The following SPIN2A variants were observed in gnomAD, a reference collection of about 807,000 sequenced individuals.
SPIN2A encodes the protein spindlin-2A.
A neutral mutation model predicts 9.2 loss-of-function variants in SPIN2A; 4 were observed. That is an observed-to-expected ratio of 0.44 (90% CI 0.21 to 1.00). The LOEUF is 1.00. Among genes scored for constraint, SPIN2A ranks in the 50% least tolerant of loss-of-function variants. SPIN2A has a pLI of 0.26. For synonymous variants in SPIN2A, 25 were observed against 61.2 expected (o/e 0.41, Z 2.76); for missense variants, 77 against 172.8 (o/e 0.45, Z 3.11).
upstream of SPIN2A, among the ~76,000 whole-genome samples, chrX:57,139,521 T>A (rs1927939494): frequency 9.0e-6 from 1 of 111,529 alleles, no homozygotes; most frequent in Non-Finnish European, 1.9e-5. Flanking sequence ...TGGTGCAATC[T>A]TGGCTCACTG....
At chrX:57,135,562 G>A (rs769681343), downstream of SPIN2A, 226 of 487,811 alleles carry the variant, frequency 4.6e-4, no homozygotes, top group Middle Eastern at 3.2e-3. Context: ...ATTCACAGCC[G>A]AAATTGACAG....
intron 1 of SPIN2A, 92 bp downstream of exon 1, chrX:57,137,168 T>TC (rs1927837229): frequency 2.6e-6 from 2 of 759,101 alleles, no homozygotes; most frequent in East Asian, 1.5e-4. Flanking sequence ...TTCCTTCCCA[T>TC]CCCCCTCTCC....
chrX:57,140,413 C>T (rs1239750052), upstream of SPIN2A, among the ~76,000 whole-genome samples: 2 of 72,794 alleles, frequency 2.7e-5, no homozygotes, highest in East Asian at 4.0e-4. Flanking sequence ...AACCCCATCT[C>T]TACCAAAAAA....
chrX:57,137,242 C>T lies in SPIN2A; in HGVS notation c.-6+18G>A, dbSNP rs1035845643. Reference sequence around the variant, plus strand: ...CCACCGCCGGGGATCGCGGGCCTCACGTGCCGAAATCGGATACCTCGATGC... The same window carrying T: ...CCACCGCCGGGGATCGCGGGCCTCATGTGCCGAAATCGGATACCTCGATGC... On this transcript the variant is annotated intron_variant, in intron 1 of 1. Coordinates refer to ENST00000374906, the MANE Select transcript of SPIN2A (RefSeq NM_019003.5). 1.8e-5 allele frequency: 14 copies of T among 759,526 alleles called. No homozygotes were observed. In the Admixed American group the frequency reaches 2.2e-4, roughly 12 times the overall value. 62.6% of individuals were successfully genotyped at this position (759,526 alleles called of 1,213,427 possible).
At chrX:57,143,884 A>G in the SPIN2A span, among the ~76,000 whole-genome samples, 1 of 112,027 alleles carries the variant, frequency 8.9e-6, no homozygotes, top group African/African-American at 3.2e-5. Context: ...ATGTGTCTAC[A>G]TTTATCAGTG....
At chrX:57,138,416 T>C (rs1014648486), upstream of SPIN2A, among the ~76,000 whole-genome samples, 3 of 109,632 alleles carry the variant, frequency 2.7e-5, no homozygotes, top group African/African-American at 1.0e-4. Flanking sequence ...GGAATAATAT[T>C]TTATTATATA....
At chrX:57,143,827 A>G in the SPIN2A span, among the ~76,000 whole-genome samples, 1 of 111,765 alleles carries the variant, frequency 8.9e-6, no homozygotes, top group Non-Finnish European at 1.9e-5. Flanking sequence ...GTAAAGATAT[A>G]AGTGGTTTAT....
chrX:57,143,661 A>G, the SPIN2A span, among the ~76,000 whole-genome samples: 1 of 110,284 alleles, frequency 9.1e-6, no homozygotes, highest in Non-Finnish European at 1.9e-5. Context: ...TATTTTTGGT[A>G]GACAGGGGGT....
upstream of SPIN2A, among the ~76,000 whole-genome samples, chrX:57,140,473 T>C (rs1307350435): frequency 6.8e-5 from 7 of 102,787 alleles, no homozygotes; most frequent in East Asian, 2.1e-3. Context: ...CAGGTGCCTG[T>C]AGTCCCAGCT....
the SPIN2A span, among the ~76,000 whole-genome samples, chrX:57,146,733 T>C: frequency 7.1e-5 from 8 of 112,230 alleles, no homozygotes; most frequent in African/African-American, 2.6e-4. Context: ...CATTCAGGTA[T>C]GTCTCTTCTA....
At chrX:57,147,087 T>C in the SPIN2A span, among the ~76,000 whole-genome samples, 1 of 111,665 alleles carries the variant, frequency 9.0e-6, no homozygotes, top group Non-Finnish European at 1.9e-5. Flanking sequence ...CACAGAATGA[T>C]TTAGGAAGGA....
chrX:57,138,492 G>C (rs933567378), upstream of SPIN2A, among the ~76,000 whole-genome samples: 1 of 109,581 alleles, frequency 9.1e-6, no homozygotes, highest in Non-Finnish European at 1.9e-5. Context: ...TCCATATCTT[G>C]TCTATTGTGA....
upstream of SPIN2A, among the ~76,000 whole-genome samples, chrX:57,138,372 TTAAA>T (rs2146919264): frequency 9.0e-6 from 1 of 110,988 alleles, no homozygotes; most frequent in East Asian, 2.8e-4. Context: ...ATCTGAAAAG[TTAAA>T]TAAGTGTTAG....
chrX:57,134,835 G>T (rs1309039900), downstream of SPIN2A: 1 of 111,345 alleles, frequency 9.0e-6, no homozygotes, highest in Non-Finnish European at 1.9e-5. Flanking sequence ...GTTTCTGCTG[G>T]ACAAGTGTGT....
At chrX:57,143,003 CA>C in the SPIN2A span, among the ~76,000 whole-genome samples, 1 of 111,088 alleles carries the variant, frequency 9.0e-6, no homozygotes, top group African/African-American at 3.3e-5. Context: ...ATGTCTTTAT[CA>C]GTAAAATTAG....
At chrX:57,135,358 T>C (rs1927657769), downstream of SPIN2A, 1 of 147,665 alleles carries the variant, frequency 6.8e-6, no homozygotes, top group Non-Finnish European at 1.3e-5. Flanking sequence ...GTTGGATGTT[T>C]CCTTCTCATA....
chrX:57,140,764 C>T (rs897254859), upstream of SPIN2A, among the ~76,000 whole-genome samples: 1 of 111,012 alleles, frequency 9.0e-6, no homozygotes, highest in African/African-American at 3.3e-5. Flanking sequence ...CACTTATAAA[C>T]GGGAGGCAAA....
the SPIN2A span, among the ~76,000 whole-genome samples, chrX:57,145,215 A>G: frequency 2.4e-4 from 25 of 103,560 alleles, no homozygotes; most frequent in African/African-American, 9.8e-4. Flanking sequence ...CCATACCAGC[A>G]TCTATTAGTT....
upstream of SPIN2A, among the ~76,000 whole-genome samples, chrX:57,138,556 C>T (rs1927907050): frequency 9.0e-6 from 1 of 110,777 alleles, no homozygotes; most frequent in African/African-American, 3.3e-5. Flanking sequence ...ATGCTGATTT[C>T]CTTTCTTTTG....
Sources: gnomAD v4.1 joint callset for allele counts (sites outside exome capture counted in the v4.1 genomes callset) on GRCh38, gnomAD v4.1.1 for gene constraint, MANE v1.5 for transcripts, NCBI Gene and HGNC (gene_info 2026-07-23, HGNC 2026-07-21) for gene names.